Variants in FAT1 observed in about 807,000 individuals in gnomAD.
FAT1 encodes FAT atypical cadherin 1, also known as protocadherin Fat 1.
In FAT1, 171 loss-of-function variants were observed where a neutral mutation model predicts 329.8. That is an observed-to-expected ratio of 0.52 (90% CI 0.46 to 0.59). The LOEUF is 0.59. FAT1 is among the 20% of genes least tolerant of loss of function. The pLI is 0.00. For missense variants in FAT1, 5,672 were observed against 5,774.4 expected (o/e 0.98, Z 0.57); for synonymous variants, 2,233 against 2,228.6 (o/e 1.00, Z -0.06).
intron 16 of FAT1, 109 bp from the exon 17 acceptor site, chr4:186,606,322 C>T (rs1285165760): frequency 4.4e-6 from 5 of 1,127,304 alleles, no homozygotes; most frequent in Middle Eastern, 2.4e-4. Flanking sequence ...TGAGCTACCA[C>T]TATCTGTTGC....
At chr4:186,610,736 TTATATAATTTATATAAATATAAATTTGAA>T (rs1295739966) in intron 14 of FAT1, among the ~76,000 whole-genome samples, 41 of 134,180 alleles carry the variant, frequency 3.1e-4, no homozygotes, top group Admixed American at 3.7e-4. Context: ...AAATATAAAT[TTATATAATTTATATAAATATAAATTTGAA>T]TGGAGCAACT....
chr4:186,638,967 G>C (rs1233101575), intron 4 of FAT1, among the ~76,000 whole-genome samples: 1 of 149,638 alleles, frequency 6.7e-6, no homozygotes, highest in African/African-American at 2.6e-5. Context: ...ACGGCCCAGA[G>C]ATCTCATCAA....
rs763476329 is a variant in FAT1, at chr4:186,604,458, A to G, written c.10467T>C (p.Phe3489=). The G allele has an allele frequency of 5.0e-6, 8 of 1,613,958 alleles. No individual in the cohort carries two copies. Among genetic ancestry groups the G allele is most frequent in the South Asian group, 1.1e-5 (1 of 91,080 alleles). Residue 3489 remains phenylalanine, a synonymous_variant, in exon 18 of 27, where the codon TTT becomes TTC. Coordinates refer to ENST00000441802, the MANE Select transcript of FAT1 (RefSeq NM_005245.4). The part of the protein sequence containing the change: ...TIVTGNDEKA[F]EVNPQGVLLT... ...GGAGGACTCCTTGCGGGTTAACTTC[A>G]AAAGCCTTCTCATCATTTCCAGTTA...
intron 1 of FAT1, among the ~76,000 whole-genome samples, chr4:186,717,751 C>T (rs1048874033): frequency 1.3e-5 from 2 of 152,170 alleles, no homozygotes; most frequent in Non-Finnish European, 2.9e-5. Context: ...CTCCTGGGAA[C>T]GACAAGACAG....
At position 186,589,003 on chromosome 4, in the gene FAT1, C is replaced by T. The variant is rs765853482; in HGVS notation, c.13356G>A (p.Pro4452=). ...FPAADELPPL[P]PEFSNQFESI... ...ATTCAAACTGATTGCTGAATTCGGG[C>T]GGTAACGGTGGTAGCTCATCAGCTG... The change falls in exon 27 of 27, where the codon CCG becomes CCA. Residue 4452 remains proline, a synonymous_variant. Coordinates refer to ENST00000441802, the MANE Select transcript of FAT1 (RefSeq NM_005245.4). The T allele has an allele frequency of 8.1e-6, 13 of 1,613,778 alleles. No homozygotes were observed. The East Asian group carries it at 1.3e-4, about 17-fold the overall frequency.
intron 2 of FAT1, among the ~76,000 whole-genome samples, chr4:186,695,581 T>C (rs1252648933): frequency 6.6e-6 from 1 of 152,126 alleles, no homozygotes; most frequent in Non-Finnish European, 1.5e-5. Context: ...TCTATTTCCA[T>C]TTTAAATTTT....
At chr4:186,599,549 C>A (rs115737884) in intron 22 of FAT1, among the ~76,000 whole-genome samples, 2,922 of 152,222 alleles carry the variant, frequency 0.019, 89 homozygotes, top group African/African-American at 0.065. Flanking sequence ...AAAGGTGATA[C>A]AAATAACAAA....
intron 3 of FAT1, among the ~76,000 whole-genome samples, chr4:186,649,325 A>G (rs1741521624): frequency 6.6e-6 from 1 of 152,216 alleles, no homozygotes; most frequent in Non-Finnish European, 1.5e-5. Flanking sequence ...ATACATTTCC[A>G]TTGAACAGCA....
Position 186,618,067 on chromosome 4 carries a change from G to T in FAT1, c.8519C>A (p.Thr2840Asn), listed in dbSNP as rs2126490821. Residue 2840 changes from threonine to asparagine, a missense_variant, in exon 10 of 27, where the codon ACC (threonine) becomes AAC (asparagine). Thr to Asn is a moderately conservative substitution (Grantham distance 65). Transcript: ENST00000441802. ...CAGGCTATACATAACTTGGCCGTTG[G>T]TTCCTGAGTCAGCATCAGATGCCCT... The part of the protein sequence containing the change: ...QIRASDADSG[T>N]NGQVMYSLDQ... 1 of 1,613,946 alleles carries T rather than the reference G, an allele frequency of 6.2e-7. No homozygotes were observed. Among genetic ancestry groups the T allele is most frequent in the South Asian group, 1.1e-5 (1 of 91,084 alleles).
chr4:186,659,335 T>A (rs935226469), intron 3 of FAT1, among the ~76,000 whole-genome samples: 6 of 152,204 alleles, frequency 3.9e-5, no homozygotes, highest in African/African-American at 1.4e-4. Context: ...ACTTGATGCA[T>A]AAACAAATGC....
intron 12 of FAT1, among the ~76,000 whole-genome samples, 191 bp downstream of exon 12, chr4:186,614,000 T>A (rs1560934828): frequency 2.0e-5 from 3 of 152,220 alleles, no homozygotes; most frequent in Admixed American, 6.5e-5. Context: ...TGCTGTTTTT[T>A]AAAAAATCTC....
rs753624266 is a variant in FAT1, at chr4:186,618,463, T to C, written c.8123A>G (p.Tyr2708Cys). ...MQLPKFSEPFYTFTVSEDVPI... is the reference protein window; with the variant it reads ...MQLPKFSEPFCTFTVSEDVPI... ...CACGTCCTCTGACACTGTAAAGGTA[T>C]AGAAAGGTTCTGAAAATTTTGGAAG... The change falls in exon 10 of 27, where the codon TAT (tyrosine) becomes TGT (cysteine). Residue 2708 changes from tyrosine to cysteine, a missense_variant. Around this residue, in one of 2 missense-constraint regions of FAT1, gnomAD observed 3,966 missense variants for 3,915.2 expected, o/e 1.01. Coordinates refer to ENST00000441802, the MANE Select transcript of FAT1 (RefSeq NM_005245.4). 5 of 1,613,930 alleles carry C rather than the reference T, an allele frequency of 3.1e-6. No homozygotes were observed. The highest frequency in any genetic ancestry group is 3.3e-5 in the Admixed American group (2 of 60,018).
At position 186,636,571 on chromosome 4, in the gene FAT1, C is replaced by A; in HGVS notation, c.3972+14G>T. Reference sequence around the variant, plus strand: ...CAACATATGAAAAATTACAGTACTACAATCTTAACTCACTGAAAGAATATC... The same window carrying A: ...CAACATATGAAAAATTACAGTACTAAAATCTTAACTCACTGAAAGAATATC... On this transcript the variant is annotated intron_variant, in intron 5 of 26. Transcript: ENST00000441802. 6.3e-7 allele frequency: 1 copy of A among 1,584,874 alleles called. No individual in the cohort carries two copies. The highest frequency in any genetic ancestry group is 8.6e-7 in the Non-Finnish European group (1 of 1,166,854).
chr4:186,707,240 G>C lies in FAT1; in HGVS notation c.2588C>G (p.Thr863Arg), dbSNP rs1744672533. 2 of 1,613,946 alleles carry C rather than the reference G, an allele frequency of 1.2e-6. No homozygotes were observed. The highest frequency in any genetic ancestry group is 1.1e-5 in the South Asian group (1 of 91,080). Residue 863 changes from threonine (T) to arginine (R), a missense_variant, in exon 2 of 27, where the codon ACA (threonine) becomes AGA (arginine). Physicochemically the swap from Thr to Arg is moderately conservative, Grantham distance 71. This residue lies in a region of FAT1 where 3,966 missense variants were observed against 3,915.2 expected (regional missense o/e 1.01). Coordinates refer to ENST00000441802, the MANE Select transcript of FAT1 (RefSeq NM_005245.4). ...GTCAATTGAAAATGTGTCTGTGTCT[G>C]TAACAATTGAGTACGTCACGTGTCC... is the stretch of plus-strand genomic sequence containing the variant. ...PNGHVTYSIVTDTDTFSIDSV... is the reference protein window; with the variant it reads ...PNGHVTYSIVRDTDTFSIDSV...
intron 2 of FAT1, among the ~76,000 whole-genome samples, chr4:186,701,852 CCTGA>C (rs1286443319): frequency 2.6e-5 from 4 of 152,250 alleles, no homozygotes; most frequent in Non-Finnish European, 5.9e-5. Flanking sequence ...AAACATTTTC[CCTGA>C]CTGAGGTCAA....
At chr4:186,609,039 T>A (rs1739269332) in intron 16 of FAT1, 144 bp downstream of exon 16, 4 of 760,084 alleles carry the variant, frequency 5.3e-6, no homozygotes, top group Middle Eastern at 3.8e-4. Flanking sequence ...ATAGTGTCAT[T>A]GCTTTTCGAG....
intron 1 of FAT1, among the ~76,000 whole-genome samples, chr4:186,722,277 C>T (rs1193910081): frequency 6.6e-6 from 1 of 152,168 alleles, no homozygotes; most frequent in Non-Finnish European, 1.5e-5. Flanking sequence ...TTATAAAGTC[C>T]TCTAACAACC....
chr4:186,677,866 A>G (rs974410125), intron 2 of FAT1, among the ~76,000 whole-genome samples: 10 of 152,212 alleles, frequency 6.6e-5, no homozygotes, highest in African/African-American at 2.2e-4. Flanking sequence ...AAAAGACTAT[A>G]TAAGAATAGA....
chr4:186,616,059 C>A (rs1283323869), intron 11 of FAT1, among the ~76,000 whole-genome samples: 1 of 152,120 alleles, frequency 6.6e-6, no homozygotes, highest in Non-Finnish European at 1.5e-5. Context: ...CTGGCTGTCA[C>A]ACCAGATGGT....
Sources: gnomAD v4.1 joint callset for allele counts (sites outside exome capture counted in the v4.1 genomes callset) on GRCh38, gnomAD v4.1.1 for gene constraint, gnomAD v4.1.1 regional missense constraint, MANE v1.5 for transcripts, NCBI Gene and HGNC (gene_info 2026-07-23, HGNC 2026-07-21) for gene names.